Variants in CDK14 observed in about 807,000 individuals in gnomAD.
The protein encoded by CDK14 is cyclin-dependent kinase 14.
CDK14 carries 34 observed loss-of-function variants against 60.7 expected under a neutral mutation model. The ratio of observed to expected loss-of-function variants is 0.56; its 90% CI spans 0.43 to 0.75. CDK14 has a LOEUF of 0.75. Ranked by LOEUF, CDK14 falls within the 30% of genes least tolerant of loss-of-function variation. The pLI is 0.00. For synonymous variants in CDK14, 197 were observed against 203.7 expected (o/e 0.97, Z 0.28); for missense variants, 482 against 564.1 (o/e 0.85, Z 1.47).
Position 90,596,609 on chromosome 7 carries a change from G to C in CDK14, c.-19G>C, listed in dbSNP as rs1342499790. 6 of 1,608,990 alleles carry C rather than the reference G, an allele frequency of 3.7e-6. No individual in the cohort carries two copies. Among genetic ancestry groups the C allele is most frequent in the South Asian group, 1.1e-5 (1 of 90,884 alleles). The stretch of plus-strand genomic sequence containing the variant: ...CCTGGACCAGTTTGGGGAAGTTGTC[G>C]GGGCTCCGCGTCGCCCAGATGTGTG... On this transcript the variant is annotated 5_prime_UTR_variant, in exon 1 of 15. Transcript: ENST00000380050.
intron 4 of CDK14, among the ~76,000 whole-genome samples, chr7:90,788,709 T>C (rs1270864107): frequency 6.6e-6 from 1 of 152,178 alleles, no homozygotes; most frequent in Non-Finnish European, 1.5e-5. Flanking sequence ...TCTATGGCAG[T>C]TTTTTGAGCG....
chr7:91,201,132 T>C (rs1055943719), intron 14 of CDK14, among the ~76,000 whole-genome samples: 3 of 152,154 alleles, frequency 2.0e-5, no homozygotes, highest in African/African-American at 4.8e-5. Context: ...GAGAAGGAGG[T>C]TGGAAGTAGT....
intron 12 of CDK14, among the ~76,000 whole-genome samples, chr7:91,100,215 T>C (rs1019738246): frequency 1.3e-5 from 2 of 152,196 alleles, no homozygotes; most frequent in Non-Finnish European, 2.9e-5. Flanking sequence ...AGGAGAAGTT[T>C]TTAATTATGC....
At chr7:90,896,299 G>T (rs1356165965) in intron 6 of CDK14, among the ~76,000 whole-genome samples, 1 of 151,850 alleles carries the variant, frequency 6.6e-6, no homozygotes, top group East Asian at 1.9e-4. Context: ...TAGGAAAATA[G>T]ATTTTTCTAT....
intron 9 of CDK14, among the ~76,000 whole-genome samples, chr7:90,964,885 C>A (rs1794707137): frequency 2.6e-5 from 4 of 152,038 alleles, no homozygotes; most frequent in Admixed American, 2.0e-4. Flanking sequence ...TCTTGTATAA[C>A]CTTTTGCTTT....
At chr7:91,132,158 C>T (rs1800138524) in intron 14 of CDK14, among the ~76,000 whole-genome samples, 1 of 152,066 alleles carries the variant, frequency 6.6e-6, no homozygotes, top group African/African-American at 2.4e-5. Context: ...CAGAACTTTG[C>T]ATGAAGCTAT....
intron 12 of CDK14, among the ~76,000 whole-genome samples, chr7:91,100,597 C>T (rs754731809): frequency 1.3e-4 from 20 of 152,012 alleles, no homozygotes; most frequent in Non-Finnish European, 2.5e-4. Context: ...CATATTAGTA[C>T]GCAGGAAAGG....
chr7:90,979,338 A>G (rs747486473), intron 9 of CDK14: 3 of 152,124 alleles, frequency 2.0e-5, no homozygotes, highest in Non-Finnish European at 2.9e-5. Context: ...CTCTCTAAAG[A>G]TTCTTCAGTT....
chr7:91,053,359 C>T (rs1228819079), intron 11 of CDK14, among the ~76,000 whole-genome samples: 2 of 152,246 alleles, frequency 1.3e-5, no homozygotes, highest in South Asian at 4.1e-4. Flanking sequence ...AAACCCAGGT[C>T]TTTCAACTCT....
intron 4 of CDK14, among the ~76,000 whole-genome samples, chr7:90,787,722 TAATACATAA>T (rs1418564526): frequency 6.6e-6 from 1 of 152,194 alleles, no homozygotes; most frequent in African/African-American, 2.4e-5. Flanking sequence ...TGAAGTGATG[TAATACATAA>T]AATCTCAGTG....
At chr7:90,672,024 A>G (rs1172035374) in intron 2 of CDK14, among the ~76,000 whole-genome samples, 2 of 152,226 alleles carry the variant, frequency 1.3e-5, no homozygotes, top group African/African-American at 2.4e-5. Flanking sequence ...TGGGGGATGA[A>G]TGAAGCAGGA....
At chr7:90,949,170 G>T (rs1794183029) in intron 8 of CDK14, among the ~76,000 whole-genome samples, 1 of 151,994 alleles carries the variant, frequency 6.6e-6, no homozygotes, top group Non-Finnish European at 1.5e-5. Context: ...ATATATATGT[G>T]TGTGTGTGTA....
At chr7:90,692,194 A>G (rs1040539981) in intron 2 of CDK14, among the ~76,000 whole-genome samples, 5 of 152,208 alleles carry the variant, frequency 3.3e-5, no homozygotes, top group Non-Finnish European at 7.4e-5. Context: ...TTTTCTTCTT[A>G]TATCGTTGGT....
At chr7:90,659,287 G>A (rs930490235) in intron 2 of CDK14, among the ~76,000 whole-genome samples, 1 of 152,092 alleles carries the variant, frequency 6.6e-6, no homozygotes, top group Admixed American at 6.6e-5. Context: ...AGATATCAGG[G>A]GGAAAATTCA....
At chr7:91,197,787 C>T (rs1802592546) in intron 14 of CDK14, among the ~76,000 whole-genome samples, 1 of 152,172 alleles carries the variant, frequency 6.6e-6, no homozygotes, top group Non-Finnish European at 1.5e-5. Context: ...GACAGCTCAT[C>T]TTGGATTCTA....
At chr7:90,864,449 T>A (rs887461) in intron 6 of CDK14, among the ~76,000 whole-genome samples, 110,550 of 151,892 alleles carry the variant, frequency 0.73, 40,625 homozygotes, top group East Asian at 0.96. Flanking sequence ...CTTTTAAGTA[T>A]GTCTAGTTTA....
chr7:91,086,658 TGG>T (rs1409599257), intron 12 of CDK14, among the ~76,000 whole-genome samples: 1 of 150,668 alleles, frequency 6.6e-6, no homozygotes, highest in Non-Finnish European at 1.5e-5. Context: ...TGGGCCCCTG[TGG>T]GTGTGTGTGT....
chr7:91,062,494 C>T (rs576449176), intron 11 of CDK14, among the ~76,000 whole-genome samples: 36 of 152,156 alleles, frequency 2.4e-4, no homozygotes, highest in African/African-American at 7.5e-4. Context: ...TCGTCGCTCA[C>T]GGTGGGAGCT....
At chr7:91,072,386 G>A (rs988259102) in intron 11 of CDK14, among the ~76,000 whole-genome samples, 1 of 152,074 alleles carries the variant, frequency 6.6e-6, no homozygotes, top group African/African-American at 2.4e-5. Context: ...GATAAATAGG[G>A]CCTGAAGTAA....
Sources: allele counts gnomAD v4.1 joint callset (sites outside exome capture counted in the v4.1 genomes callset), GRCh38; gene constraint gnomAD v4.1.1; transcripts MANE v1.5; gene names NCBI Gene and HGNC (gene_info 2026-07-23, HGNC 2026-07-21).